Variants in RYR2 observed in about 807,000 individuals in gnomAD.
The protein encoded by RYR2 is cardiac muscle ryanodine receptor-calcium release channel.
A neutral mutation model predicts 601.1 loss-of-function variants in RYR2; 227 were observed. That is an observed-to-expected ratio of 0.38 (90% confidence interval 0.34 to 0.42). The LOEUF is 0.42. Ranked by LOEUF, RYR2 falls within the 10% of genes least tolerant of loss-of-function variation. RYR2 has a pLI of 1.00. For missense variants in RYR2, 4,646 were observed against 6,156.5 expected (o/e 0.75, Z 8.21); for synonymous variants, 2,223 against 2,175.1 (o/e 1.02, Z -0.61).
chr1:237,261,088 C>A (rs546302936), intron 1 of RYR2, among the ~76,000 whole-genome samples: 1 of 152,314 alleles, frequency 6.6e-6, no homozygotes, highest in South Asian at 2.1e-4. Context: ...ATGTCAAAAG[C>A]AATGATGGGA....
In RYR2 at chr1:237,156,498, A is replaced by G. The variant is rs571091017; in HGVS notation, c.48+113929A>G. Among the ~76,000 whole-genome samples the G allele has an allele frequency of 4.6e-5, 7 of 152,352 alleles. No homozygotes were observed. The East Asian group carries it at 1.3e-3, about 29-fold the overall frequency. ...ATTCAATGTTCCCAAAGCTATTAAT[A>G]GACTTTAAGAAAATGCACAACTACC... is the stretch of plus-strand genomic sequence containing the variant. On this transcript the variant is annotated intron_variant, in intron 1 of 104. Coordinates refer to ENST00000366574, the MANE Select transcript of RYR2 (RefSeq NM_001035.3).
At chr1:237,067,805 T>C (rs1572516771) in intron 1 of RYR2, among the ~76,000 whole-genome samples, 1 of 152,214 alleles carries the variant, frequency 6.6e-6, no homozygotes, top group East Asian at 1.9e-4. Context: ...GAGTTCTTCC[T>C]GACTAAACTC....
At chr1:237,584,822 A>G (rs1674345051) in intron 29 of RYR2, among the ~76,000 whole-genome samples, 2 of 151,980 alleles carry the variant, frequency 1.3e-5, no homozygotes, top group South Asian at 2.1e-4. Flanking sequence ...CACCATGCCC[A>G]GCTAATTTTT....
chr1:237,117,678 TTCTCTTCTCTTCTCTTCTCTTC>T (rs1447975336), intron 1 of RYR2, among the ~76,000 whole-genome samples: 30 of 40,904 alleles, frequency 7.3e-4, no homozygotes, highest in African/African-American at 3.1e-3. Flanking sequence ...CTTCCTTCTC[TTCTCTTCTCTTCTCTTCTCTTC>T]TCTTCTCTTC....
chr1:237,185,694 T>C (rs584832), intron 1 of RYR2, among the ~76,000 whole-genome samples: 91,025 of 151,936 alleles, frequency 0.6, 27,353 homozygotes, highest in Non-Finnish European at 0.63. Flanking sequence ...TGTGTGGTTG[T>C]GCATTCTCAG....
At chr1:237,520,656 C>T (rs1666997509) in intron 24 of RYR2, among the ~76,000 whole-genome samples, 1 of 152,198 alleles carries the variant, frequency 6.6e-6, no homozygotes, top group Admixed American at 6.5e-5. Context: ...TAAAAACCCA[C>T]TTAACTCCTG....
In RYR2 at chr1:237,682,621, A is replaced by T. The variant is rs1685990415; in HGVS notation, c.9017+2044A>T. On this transcript the variant is annotated intron_variant, in intron 62 of 104. Transcript: ENST00000366574. ...TAGGTTTGTGTAAGTACATTCTATGATGTACTTATATCATGGTCTTATGGG... is the reference window on the plus strand; with the variant it reads ...TAGGTTTGTGTAAGTACATTCTATGTTGTACTTATATCATGGTCTTATGGG... Among the ~76,000 whole-genome samples the T allele has an allele frequency of 2.0e-5, 3 of 152,168 alleles. No individual in the cohort carries two copies. In the South Asian group the frequency reaches 6.2e-4, roughly 31 times the overall value.
chr1:237,571,561 C>T (rs947057604), intron 29 of RYR2, among the ~76,000 whole-genome samples: 5 of 152,150 alleles, frequency 3.3e-5, no homozygotes, highest in Non-Finnish European at 4.4e-5. Flanking sequence ...GTGATCCACC[C>T]GCCTCGGCCT....
intron 1 of RYR2, among the ~76,000 whole-genome samples, chr1:237,123,579 C>A (rs1671053307): frequency 6.6e-6 from 1 of 151,350 alleles, no homozygotes; most frequent in Non-Finnish European, 1.5e-5. Context: ...AGAGTGGGGC[C>A]CTCTCTCTTA....
rs551842463 is a variant in RYR2, at chr1:237,516,758, C to T, written c.2822+4967C>T. ...ACACATGCCAGGAACCTGGGAATCA[C>T]CTTTGACTCTTCCCTTTGTTTCATT... On this transcript the variant is annotated intron_variant, in intron 24 of 104. Transcript: ENST00000366574. Among the ~76,000 whole-genome samples, 10 of 152,276 alleles carry T rather than the reference C, an allele frequency of 6.6e-5. 1 individual carries two copies. The South Asian group carries it at 2.1e-3, about 32-fold the overall frequency.
intron 1 of RYR2, among the ~76,000 whole-genome samples, chr1:237,062,959 G>GTT (rs1214299004): frequency 1.3e-3 from 189 of 145,700 alleles, no homozygotes; most frequent in African/African-American, 4.6e-3. Context: ...TGATTTTACT[G>GTT]TTTTTTTTTT....
intron 2 of RYR2, among the ~76,000 whole-genome samples, chr1:237,305,936 C>G (rs1693817962): frequency 6.6e-6 from 1 of 152,002 alleles, no homozygotes; most frequent in South Asian, 2.1e-4. Flanking sequence ...ATATATGATA[C>G]AAAGGTATTT....
intron 12 of RYR2, among the ~76,000 whole-genome samples, chr1:237,426,832 A>G (rs564262967): frequency 1.0e-3 from 155 of 152,260 alleles, no homozygotes; most frequent in African/African-American, 3.6e-3. Flanking sequence ...AGCTATGATC[A>G]TGCCCACTGC....
intron 3 of RYR2, among the ~76,000 whole-genome samples, chr1:237,354,528 A>G (rs1289170417): frequency 6.6e-6 from 1 of 152,138 alleles, no homozygotes; most frequent in Non-Finnish European, 1.5e-5. Flanking sequence ...GAAGTCATTT[A>G]ATTTTTTTAG....
At chr1:237,663,316 A>G (rs961101159) in intron 56 of RYR2, among the ~76,000 whole-genome samples, 8 of 152,308 alleles carry the variant, frequency 5.3e-5, no homozygotes, top group Non-Finnish European at 1.2e-4. Context: ...GCAATTTTCT[A>G]TCATGTATAA....
At chr1:237,823,049 C>A (rs1287808494) in intron 101 of RYR2, among the ~76,000 whole-genome samples, 2 of 152,078 alleles carry the variant, frequency 1.3e-5, no homozygotes, top group Non-Finnish European at 2.9e-5. Flanking sequence ...TCTTAGAGAC[C>A]TACAAAGAGA....
intron 2 of RYR2, among the ~76,000 whole-genome samples, chr1:237,329,022 G>C (rs1045137637): frequency 2.0e-5 from 3 of 151,896 alleles, no homozygotes; most frequent in Admixed American, 2.0e-4. Context: ...TTGTCTAAGC[G>C]AAAGCATACA....
At chr1:237,055,842 C>T (rs1377901596) in intron 1 of RYR2, among the ~76,000 whole-genome samples, 1 of 152,178 alleles carries the variant, frequency 6.6e-6, no homozygotes, top group African/African-American at 2.4e-5. Flanking sequence ...TCCTATATGA[C>T]TAGTGCCCTC....
chr1:237,271,751 G>T (rs959548582), intron 2 of RYR2, among the ~76,000 whole-genome samples: 1 of 152,164 alleles, frequency 6.6e-6, no homozygotes, highest in African/African-American at 2.4e-5. Flanking sequence ...ATGTATAGGA[G>T]GAAGTGCAAG....
Sources: allele counts gnomAD v4.1 joint callset (sites outside exome capture counted in the v4.1 genomes callset), GRCh38; gene constraint gnomAD v4.1.1; transcripts MANE v1.5; gene names NCBI Gene and HGNC (gene_info 2026-07-23, HGNC 2026-07-21).